Variants in VPS13C observed in about 807,000 individuals in gnomAD.
VPS13C encodes the protein vacuolar protein sorting 13 homolog C, also known as intermembrane lipid transfer protein VPS13C.
In VPS13C, 358 loss-of-function variants were observed where a neutral mutation model predicts 456.8. The ratio of observed to expected loss-of-function variants is 0.78; its 90% CI spans 0.72 to 0.86. The LOEUF is 0.86. Among genes scored for constraint, VPS13C ranks in the 40% least tolerant of loss-of-function variants. VPS13C has a pLI of 0.00. For synonymous variants in VPS13C, 1,578 were observed against 1,486.7 expected, an observed-to-expected ratio of 1.06 and a Z score of -1.41; for missense variants, 4,818 against 4,385.4, an observed-to-expected ratio of 1.10 and a Z score of -2.79.
In VPS13C at chr15:62,056,586, C is replaced by CG. The variant is rs1215311128; in HGVS notation, c.100+3688dup. Among the ~76,000 whole-genome samples the CG allele has an allele frequency of 3.3e-5, 5 of 152,204 alleles. No homozygotes were observed. In the East Asian group the frequency reaches 9.7e-4, roughly 30 times the overall value. On this transcript the variant is annotated intron_variant, in intron 1 of 84. Coordinates refer to ENST00000644861, the MANE Select transcript of VPS13C (RefSeq NM_020821.3). ...CCAGGGAAGGGAGGCTCCCTTTCCCCGGGGGAGTTTAGATAAGACTCTGCT... is the reference window on the plus strand; with the variant it reads ...CCAGGGAAGGGAGGCTCCCTTTCCCCGGGGGGAGTTTAGATAAGACTCTGCT...
At chr15:61,998,993 A>G (rs1437650995) in intron 16 of VPS13C, among the ~76,000 whole-genome samples, 3 of 152,248 alleles carry the variant, frequency 2.0e-5, no homozygotes, top group Non-Finnish European at 1.5e-5. Flanking sequence ...TACAATACAT[A>G]TAACATCTAA....
chr15:62,037,303 T>G (rs1251881002), intron 3 of VPS13C, among the ~76,000 whole-genome samples: 1 of 79,542 alleles, frequency 1.3e-5, no homozygotes, highest in African/African-American at 5.2e-5. Context: ...TTATATAATA[T>G]ATATATAAAT....
Position 61,890,331 on chromosome 15 carries a change from G to C in VPS13C, c.9175C>G (p.Gln3059Glu), listed in dbSNP as rs1387456031. The C allele has an allele frequency of 6.2e-7, 1 of 1,613,896 alleles. No individual in the cohort carries two copies. The highest frequency in any genetic ancestry group is 1.3e-5 in the African/African-American group (1 of 74,868). Reference sequence around the variant, plus strand: ...TCATCGGTGAAAAGCAAAACTCTCTGGCGCCCATCCAGAAATGATACCCAG... The same window carrying C: ...TCATCGGTGAAAAGCAAAACTCTCTCGCGCCCATCCAGAAATGATACCCAG... ...IHWVSFLDGRQRVLLFTDDVA... is the reference protein window; with the variant it reads ...IHWVSFLDGRERVLLFTDDVA... The change falls in exon 67 of 85, where the codon CAG becomes GAG. Residue 3059 changes from glutamine to glutamate, a missense_variant. Transcript: ENST00000644861.
intron 1 of VPS13C, among the ~76,000 whole-genome samples, chr15:62,055,025 A>T (rs1352395680): frequency 1.3e-5 from 2 of 152,244 alleles, no homozygotes; most frequent in African/African-American, 4.8e-5. Context: ...TCAATTATCT[A>T]CAGTGGCAAG....
At chr15:61,896,563 C>T (rs1397199412) in intron 66 of VPS13C, among the ~76,000 whole-genome samples, 2 of 152,192 alleles carry the variant, frequency 1.3e-5, no homozygotes, top group East Asian at 1.9e-4. Flanking sequence ...AAACGGCGCA[C>T]CACGAGATTA....
intron 61 of VPS13C, 23 bp from the exon 62 acceptor site, chr15:61,913,438 T>C: frequency 1.3e-6 from 2 of 1,581,214 alleles, no homozygotes; most frequent in Non-Finnish European, 1.7e-6. Context: ...GCACATATCG[T>C]CATATAAGAA....
intron 74 of VPS13C, among the ~76,000 whole-genome samples, chr15:61,878,311 T>C (rs1895604625): frequency 6.6e-6 from 1 of 151,880 alleles, no homozygotes; most frequent in African/African-American, 2.4e-5. Flanking sequence ...TATAATTATG[T>C]TTTAAAATAT....
In VPS13C at chr15:61,913,559, T is replaced by C. The variant is rs78072007; in HGVS notation, c.8446-144A>G. 1,915 of 619,822 alleles carry C rather than the reference T, an allele frequency of 3.1e-3. 4 individuals are homozygous for C. The highest frequency in any genetic ancestry group is 4.1e-3 in the Non-Finnish European group (1,531 of 372,396). The allele number at this position is 619,822 out of a possible 1,614,324, so 38.4% of individuals were successfully genotyped here. The stretch of plus-strand genomic sequence containing the variant: ...TAATCAAAGCCATATTGCAAACAGG[T>C]AACAGAACCACAAAAAACTCTAGGG... On this transcript the variant is annotated intron_variant, in intron 61 of 84. Coordinates refer to ENST00000644861, the MANE Select transcript of VPS13C (RefSeq NM_020821.3).
chr15:61,976,316 CAAT>C (rs2045701222), intron 24 of VPS13C, among the ~76,000 whole-genome samples: 1 of 151,760 alleles, frequency 6.6e-6, no homozygotes, highest in South Asian at 2.1e-4. Flanking sequence ...TAAAGGGTAT[CAAT>C]AAACTGATAC....
intron 55 of VPS13C, 113 bp downstream of exon 55, chr15:61,921,834 C>T: frequency 2.0e-6 from 2 of 987,994 alleles, no homozygotes; most frequent in East Asian, 5.0e-5. Context: ...TGGACAGAGC[C>T]CTTAAAAGGG....
In VPS13C at chr15:62,020,003, C is replaced by T. The variant is rs2047400789; in HGVS notation, c.684+476G>A. ...ATGTGTGTATATATATACAGACACA[C>T]ACTGTCTACTGTTAAAGACCATTAA... On this transcript the variant is annotated intron_variant, in intron 9 of 84. Transcript: ENST00000644861. 2.0e-5 allele frequency among the ~76,000 whole-genome samples: 3 copies of T among 151,164 alleles called. No homozygotes were observed. In the South Asian group the frequency reaches 6.2e-4, roughly 31 times the overall value.
Position 62,020,560 on chromosome 15 carries a change from C to A in VPS13C, c.625-22G>T, listed in dbSNP as rs773570968. The A allele has an allele frequency of 1.9e-6, 3 of 1,608,646 alleles. No individual in the cohort carries two copies. The South Asian group carries it at 3.3e-5, about 18-fold the overall frequency. On this transcript the variant is annotated intron_variant, in intron 8 of 84. Coordinates refer to ENST00000644861, the MANE Select transcript of VPS13C (RefSeq NM_020821.3). ...TGACCTACCAAAGAAGAAAAGATAA[C>A]AGTAAAATATGCTGATGGTGAAGGC... is the stretch of plus-strand genomic sequence containing the variant.
intron 83 of VPS13C, 68 bp from the exon 84 acceptor site, chr15:61,855,022 T>C (rs555638688): frequency 4.6e-6 from 6 of 1,291,030 alleles, no homozygotes; most frequent in South Asian, 1.4e-5. Flanking sequence ...TAACTTTTAA[T>C]TGTATACTTA....
intron 53 of VPS13C, among the ~76,000 whole-genome samples, chr15:61,925,163 T>G (rs2043804597): frequency 6.6e-6 from 1 of 151,470 alleles, no homozygotes; most frequent in Admixed American, 6.6e-5. Flanking sequence ...TCCCACCCCA[T>G]ATCTCTTCCC....
intron 16 of VPS13C, among the ~76,000 whole-genome samples, 175 bp downstream of exon 16, chr15:62,000,389 G>C (rs1183594464): frequency 6.6e-6 from 1 of 151,764 alleles, no homozygotes; most frequent in African/African-American, 2.4e-5. Flanking sequence ...ATAAAAATAA[G>C]GTTTTTTTTC....
intron 83 of VPS13C, among the ~76,000 whole-genome samples, chr15:61,855,311 A>G (rs1391446389): frequency 6.6e-6 from 1 of 152,186 alleles, no homozygotes; most frequent in Non-Finnish European, 1.5e-5. Context: ...TGTATAATGT[A>G]AAATACACTG....
In VPS13C at chr15:61,940,771, G is replaced by C; in HGVS notation, c.5477C>G (p.Pro1826Arg). 6.2e-7 allele frequency: 1 copy of C among 1,612,784 alleles called. No individual in the cohort carries two copies. Among genetic ancestry groups the C allele is most frequent in the South Asian group, 1.1e-5 (1 of 90,694 alleles). ...TTTTAAAATTTCAATGTCATTTTGT[G>C]GCAAGCTAGCCTGCAAAATAGTTCT... is the stretch of plus-strand genomic sequence containing the variant. ...LSRTILQASLPQNDIEILKPV... is the reference protein window; with the variant it reads ...LSRTILQASLRQNDIEILKPV... The change falls in exon 47 of 85, where the codon CCA becomes CGA. Residue 1826 changes from proline to arginine, a missense_variant. This residue lies in a region of VPS13C where 4,552 missense variants were observed against 4,130.6 expected (regional missense o/e 1.10). Transcript: ENST00000644861.
chr15:61,868,785 A>T lies in VPS13C; in HGVS notation c.10749-12T>A. On this transcript the variant is annotated splice_polypyrimidine_tract_variant and intron_variant, in intron 80 of 84. Coordinates refer to ENST00000644861, the MANE Select transcript of VPS13C (RefSeq NM_020821.3). ...TTGATTCTGCTGCCCTGAATAAGGC[A>T]TCAGAGTAAGTGTAAGAAAATACGT... The T allele has an allele frequency of 6.8e-6, 11 of 1,606,766 alleles. No homozygotes were observed. The highest frequency in any genetic ancestry group is 9.4e-6 in the Non-Finnish European group (11 of 1,175,234).
intron 73 of VPS13C, among the ~76,000 whole-genome samples, chr15:61,879,952 G>C (rs1444505881): frequency 6.6e-6 from 1 of 152,074 alleles, no homozygotes; most frequent in East Asian, 1.9e-4. Context: ...AACAGTTTTT[G>C]AGAATGTAAA....
Sources: gnomAD v4.1 joint callset for allele counts (sites outside exome capture counted in the v4.1 genomes callset) on GRCh38, gnomAD v4.1.1 for gene constraint, gnomAD v4.1.1 regional missense constraint, MANE v1.5 for transcripts, NCBI Gene and HGNC (gene_info 2026-07-23, HGNC 2026-07-21) for gene names.